Variants in LRFN5 observed in about 807,000 individuals in gnomAD.
LRFN5 encodes the protein leucine rich repeat and fibronectin type III domain containing 5.
Under a neutral mutation model 45.6 loss-of-function variants are expected in LRFN5, and 24 were observed. The observed-to-expected ratio is 0.53, with a 90% CI of 0.38 to 0.74. The LOEUF is 0.74. Among genes scored for constraint, LRFN5 ranks in the 30% least tolerant of loss-of-function variants. The probability of loss-of-function intolerance (pLI) is 0.00; values close to 1 mark genes in which losing one functional copy is unlikely to be tolerated. For synonymous variants in LRFN5, 340 were observed against 313.8 expected, an observed-to-expected ratio of 1.08 and a Z score of -0.88; for missense variants, 776 against 861.5, an observed-to-expected ratio of 0.90 and a Z score of 1.24.
chr14:41,866,869 A>G (rs1467623443), intron 2 of LRFN5, among the ~76,000 whole-genome samples: 1 of 152,152 alleles, frequency 6.6e-6, no homozygotes, highest in African/African-American at 2.4e-5. Context: ...TGTCTCCCAC[A>G]AGTAATTTTG....
rs935686236 is a variant in LRFN5, at chr14:41,890,455, C to T, written c.1386-795C>T. Among the ~76,000 whole-genome samples, 5 of 151,986 alleles carry T rather than the reference C, an allele frequency of 3.3e-5. 1 individual carries two copies. The highest frequency in any genetic ancestry group is 2.6e-4 in the Admixed American group (4 of 15,270). On this transcript the variant is annotated intron_variant, in intron 3 of 5. Transcript: ENST00000298119. ...GGGCGCGGTGGCTCACGCCTGTAAT[C>T]CCAGCACTTTGGGAGGCAGAGGCGG...
intron 1 of LRFN5, among the ~76,000 whole-genome samples, chr14:41,669,832 A>C (rs973062059): frequency 6.6e-6 from 1 of 151,428 alleles, no homozygotes; most frequent in Non-Finnish European, 1.5e-5. Context: ...AACCAATTAA[A>C]GTATGCTCAT....
intron 2 of LRFN5, among the ~76,000 whole-genome samples, chr14:41,790,712 C>T (rs1053866516): frequency 6.6e-6 from 1 of 151,196 alleles, no homozygotes; most frequent in African/African-American, 2.4e-5. Flanking sequence ...AGGAATGTTT[C>T]TTATCTTTTA....
chr14:41,676,653 A>C (rs928282527), intron 1 of LRFN5, among the ~76,000 whole-genome samples: 10 of 152,200 alleles, frequency 6.6e-5, no homozygotes, highest in Admixed American at 5.9e-4. Context: ...ACTTAAGAGC[A>C]ATTAGAGAAA....
At chr14:41,640,292 A>G (rs1293364702) in intron 1 of LRFN5, among the ~76,000 whole-genome samples, 1 of 152,124 alleles carries the variant, frequency 6.6e-6, no homozygotes, top group Admixed American at 6.6e-5. Context: ...GGCTGTTAAT[A>G]TAAAACATAC....
At chr14:41,848,174 G>A in intron 2 of LRFN5, among the ~76,000 whole-genome samples, 1 of 151,962 alleles carries the variant, frequency 6.6e-6, no homozygotes, top group East Asian at 1.9e-4. Flanking sequence ...CCAATATATA[G>A]CACCATAATA....
intron 2 of LRFN5, 63 bp from the exon 3 acceptor site, chr14:41,886,543 A>G (rs1241120783): frequency 1.1e-5 from 11 of 1,037,346 alleles, no homozygotes; most frequent in Non-Finnish European, 1.5e-5. Flanking sequence ...TTATTCTAGT[A>G]GGAATATGAA....
chr14:41,789,922 C>T (rs924956645), intron 2 of LRFN5, among the ~76,000 whole-genome samples: 1 of 151,760 alleles, frequency 6.6e-6, no homozygotes, highest in African/African-American at 2.4e-5. Context: ...CTGTAATTAT[C>T]GTTTTTTCTA....
chr14:41,674,766 C>T (rs554564040), intron 1 of LRFN5, among the ~76,000 whole-genome samples: 36 of 150,168 alleles, frequency 2.4e-4, no homozygotes, highest in African/African-American at 6.9e-4. Flanking sequence ...ACTTCCCAGA[C>T]GGGGTGGCTG....
chr14:41,651,161 C>CA (rs1041516877), intron 1 of LRFN5, among the ~76,000 whole-genome samples: 3 of 152,064 alleles, frequency 2.0e-5, no homozygotes, highest in African/African-American at 7.2e-5. Context: ...GGCAAGGGAG[C>CA]AAATTGTGTA....
At chr14:41,894,825 C>G in intron 4 of LRFN5, 3 of 980,646 alleles carry the variant, frequency 3.1e-6, no homozygotes, top group Non-Finnish European at 3.6e-6. Context: ...TATTATATTA[C>G]CATAAGCAAC....
Position 41,843,492 on chromosome 14 carries a change from C to T in LRFN5, c.-20-43114C>T, listed in dbSNP as rs1566478258. ...TTTTTGTGTCCTGTTCATATCTTTG[C>T]CTACCCCTCTGTTATAAAAATCGTC... On this transcript the variant is annotated intron_variant, in intron 2 of 5. Coordinates refer to ENST00000298119, the MANE Select transcript of LRFN5 (RefSeq NM_152447.5). 2.6e-5 allele frequency among the ~76,000 whole-genome samples: 4 copies of T among 151,982 alleles called. No individual in the cohort carries two copies. In the South Asian group the frequency reaches 8.3e-4, roughly 32 times the overall value.
intron 1 of LRFN5, among the ~76,000 whole-genome samples, chr14:41,678,678 G>A (rs1010482553): frequency 1.3e-5 from 2 of 152,200 alleles, no homozygotes; most frequent in African/African-American, 2.4e-5. Context: ...AGAGGAAAGC[G>A]AGGCAGAGCA....
At chr14:41,727,654 AAAAT>A (rs1465624725) in intron 1 of LRFN5, among the ~76,000 whole-genome samples, 5 of 152,004 alleles carry the variant, frequency 3.3e-5, no homozygotes, top group African/African-American at 7.2e-5. Context: ...TTTTTAAAAT[AAAAT>A]AAATAGTCAA....
intron 1 of LRFN5, among the ~76,000 whole-genome samples, chr14:41,629,930 T>C (rs1231945334): frequency 6.6e-6 from 1 of 152,156 alleles, no homozygotes; most frequent in Admixed American, 6.6e-5. Context: ...TATTTCGTTG[T>C]CACACACATT....
At chr14:41,692,051 T>C (rs182217392) in intron 1 of LRFN5, among the ~76,000 whole-genome samples, 19 of 152,266 alleles carry the variant, frequency 1.2e-4, no homozygotes, top group African/African-American at 4.3e-4. Context: ...TTTTCTCCAA[T>C]CTTTAGATGT....
chr14:41,704,077 T>A (rs150997155), intron 1 of LRFN5, among the ~76,000 whole-genome samples: 55 of 152,280 alleles, frequency 3.6e-4, no homozygotes, highest in African/African-American at 1.3e-3. Flanking sequence ...AAAAAGAAGC[T>A]GAAGGACAAT....
intron 1 of LRFN5, among the ~76,000 whole-genome samples, chr14:41,762,257 C>T (rs1038969444): frequency 6.6e-6 from 1 of 151,736 alleles, no homozygotes; most frequent in African/African-American, 2.4e-5. Context: ...ATTTTTAGGT[C>T]AGCAAGATTT....
intron 2 of LRFN5, among the ~76,000 whole-genome samples, chr14:41,797,796 C>A (rs1031573588): frequency 1.3e-5 from 2 of 151,714 alleles, no homozygotes; most frequent in African/African-American, 2.4e-5. Context: ...CAGACTATTT[C>A]TTGATTTTAG....
Sources: allele counts gnomAD v4.1 joint callset (sites outside exome capture counted in the v4.1 genomes callset), GRCh38; gene constraint gnomAD v4.1.1; transcripts MANE v1.5; gene names NCBI Gene and HGNC (gene_info 2026-07-23, HGNC 2026-07-21).